The following PARP8 variants were observed in gnomAD, a reference collection of about 807,000 sequenced individuals.
PARP8 encodes the protein protein mono-ADP-ribosyltransferase PARP8.
A neutral mutation model predicts 124.1 loss-of-function variants in PARP8; 51 were observed. The ratio of observed to expected loss-of-function variants is 0.41; its 90% CI spans 0.33 to 0.52. PARP8 has a LOEUF of 0.52. Ranked by LOEUF, PARP8 falls within the 20% of genes least tolerant of loss-of-function variation. The pLI is 0.21. For missense variants in PARP8, 860 were observed against 1,018.9 expected, an observed-to-expected ratio of 0.84 and a Z score of 2.12; for synonymous variants, 391 against 361.5, an observed-to-expected ratio of 1.08 and a Z score of -0.93.
chr5:50,773,186 C>T (rs769329186), intron 7 of PARP8, among the ~76,000 whole-genome samples: 3 of 152,142 alleles, frequency 2.0e-5, no homozygotes, highest in Non-Finnish European at 2.9e-5. Flanking sequence ...TTGATGTAAT[C>T]CCATTTGTCC....
At chr5:50,800,351 A>C (rs372748631) in intron 14 of PARP8, among the ~76,000 whole-genome samples, 3 of 152,306 alleles carry the variant, frequency 2.0e-5, no homozygotes, top group African/African-American at 7.2e-5. Flanking sequence ...TTGTTTCTCT[A>C]TATAAAATTA....
chr5:50,719,079 T>C (rs1755617275), intron 2 of PARP8, among the ~76,000 whole-genome samples: 1 of 152,076 alleles, frequency 6.6e-6, no homozygotes, highest in Admixed American at 6.6e-5. Flanking sequence ...TTGAGCATTT[T>C]TTCACATACC....
At chr5:50,726,305 T>C (rs1308077143) in intron 2 of PARP8, among the ~76,000 whole-genome samples, 3 of 152,134 alleles carry the variant, frequency 2.0e-5, no homozygotes, top group African/African-American at 4.8e-5. Context: ...AAGTGCGTAG[T>C]ACAAAAAAGG....
At chr5:50,825,648 C>T (rs879286340) in intron 18 of PARP8, among the ~76,000 whole-genome samples, 12 of 152,188 alleles carry the variant, frequency 7.9e-5, no homozygotes, top group Admixed American at 3.3e-4. Flanking sequence ...CTAGTTTCTA[C>T]TCAACATCCC....
intron 15 of PARP8, among the ~76,000 whole-genome samples, chr5:50,820,800 C>G (rs1329855349): frequency 1.3e-5 from 2 of 152,182 alleles, no homozygotes; most frequent in Non-Finnish European, 2.9e-5. Flanking sequence ...CTAGTGCCTA[C>G]TTTATTTTTT....
At chr5:50,774,359 G>A (rs1761940731) in intron 7 of PARP8, among the ~76,000 whole-genome samples, 1 of 152,098 alleles carries the variant, frequency 6.6e-6, no homozygotes, top group Non-Finnish European at 1.5e-5. Flanking sequence ...TCTCTTCGGA[G>A]CTGTTGGGTA....
In PARP8 at chr5:50,841,962, TC is replaced by T; in HGVS notation, c.2463-3del. 5 of 1,571,248 alleles carry T rather than the reference TC, an allele frequency of 3.2e-6. No individual in the cohort carries two copies. The highest frequency in any genetic ancestry group is 4.3e-6 in the Non-Finnish European group (5 of 1,151,224). On this transcript the variant is annotated splice_region_variant and splice_polypyrimidine_tract_variant and intron_variant, in intron 25 of 25. Coordinates refer to ENST00000281631, the MANE Select transcript of PARP8 (RefSeq NM_024615.4). ...TTTTTATATTTTTATGTTTTGTATTTCAGCTATGAAGACGGCCAAGTGGGAG... is the reference window on the plus strand; with the variant it reads ...TTTTTATATTTTTATGTTTTGTATTTAGCTATGAAGACGGCCAAGTGGGAG...
intron 6 of PARP8, 114 bp from the exon 7 acceptor site, chr5:50,763,034 T>C (rs1760716419): frequency 1.5e-6 from 1 of 675,968 alleles, no homozygotes; most frequent in African/African-American, 1.8e-5. Flanking sequence ...TATTACTTTA[T>C]TGAAGCTAAA....
chr5:50,734,161 C>T (rs564483552), intron 2 of PARP8, among the ~76,000 whole-genome samples: 10 of 152,036 alleles, frequency 6.6e-5, no homozygotes, highest in Non-Finnish European at 1.0e-4. Context: ...TTTTTTACGG[C>T]GGTTTTATTT....
At chr5:50,762,817 T>A (rs1403567371) in intron 6 of PARP8, among the ~76,000 whole-genome samples, 1 of 152,214 alleles carries the variant, frequency 6.6e-6, no homozygotes, top group Non-Finnish European at 1.5e-5. Context: ...TTGATTTTTG[T>A]TTACACAACT....
chr5:50,811,495 G>A (rs895404009), intron 14 of PARP8, among the ~76,000 whole-genome samples: 2 of 151,982 alleles, frequency 1.3e-5, no homozygotes, highest in South Asian at 2.1e-4. Context: ...TGTGTCTATC[G>A]CATTTTTCCT....
At chr5:50,768,738 T>C (rs1323786335) in intron 7 of PARP8, among the ~76,000 whole-genome samples, 2 of 152,208 alleles carry the variant, frequency 1.3e-5, no homozygotes. Flanking sequence ...CATGAGATCC[T>C]GGGCCACTGA....
At chr5:50,719,318 C>A (rs184429898) in intron 2 of PARP8, among the ~76,000 whole-genome samples, 1 of 152,092 alleles carries the variant, frequency 6.6e-6, no homozygotes, top group Non-Finnish European at 1.5e-5. Flanking sequence ...TGTACAGACA[C>A]TTTGTAGCTT....
At chr5:50,809,783 A>G (rs1259131830) in intron 14 of PARP8, among the ~76,000 whole-genome samples, 2 of 150,316 alleles carry the variant, frequency 1.3e-5, no homozygotes, top group Non-Finnish European at 3.0e-5. Context: ...TTTGAAAACC[A>G]CTCATCTACA....
chr5:50,798,433 T>G (rs1580377876), intron 14 of PARP8, among the ~76,000 whole-genome samples: 1 of 151,062 alleles, frequency 6.6e-6, no homozygotes, highest in African/African-American at 2.4e-5. Context: ...TGTTTTTTTT[T>G]TTTTTGAGAC....
rs535761619 is a variant in PARP8, at chr5:50,734,113, A to C, written c.147-16038A>C. ...TTGTTAAATATAAACATATTGAAAG[A>C]GTGATAAAAAGGCTTTTAACATTGA... On this transcript the variant is annotated intron_variant, in intron 2 of 25. Transcript: ENST00000281631. Among the ~76,000 whole-genome samples the C allele has an allele frequency of 4.1e-4, 63 of 152,338 alleles. 1 individual carries two copies. The East Asian group carries it at 0.012, about 29-fold the overall frequency.
chr5:50,769,022 T>C (rs1411855781), intron 7 of PARP8, among the ~76,000 whole-genome samples: 1 of 152,228 alleles, frequency 6.6e-6, no homozygotes, highest in African/African-American at 2.4e-5. Context: ...TAAAATTCTT[T>C]ATTCATGTTC....
intron 7 of PARP8, among the ~76,000 whole-genome samples, chr5:50,775,856 C>T (rs1447111292): frequency 2.0e-5 from 3 of 152,028 alleles, no homozygotes; most frequent in Admixed American, 6.5e-5. Flanking sequence ...AACAATTTGA[C>T]GTCCTCTTTT....
intron 17 of PARP8, 87 bp from the exon 18 acceptor site, chr5:50,824,821 G>C: frequency 1.0e-6 from 1 of 981,680 alleles, no homozygotes; most frequent in Non-Finnish European, 1.6e-6. Flanking sequence ...ACTAGATTAG[G>C]CATATCGTTT....
Sources: allele counts gnomAD v4.1 joint callset (sites outside exome capture counted in the v4.1 genomes callset), GRCh38; gene constraint gnomAD v4.1.1; transcripts MANE v1.5; gene names NCBI Gene and HGNC (gene_info 2026-07-23, HGNC 2026-07-21).